GSK3B: variants seen among roughly 807,000 people sequenced by gnomAD.
GSK3B encodes glycogen synthase kinase 3 beta.
Under a neutral mutation model 56.4 loss-of-function variants are expected in GSK3B, and 15 were observed. The observed-to-expected ratio is 0.27, with a 90% confidence interval of 0.18 to 0.41. The LOEUF (loss-of-function observed/expected upper bound fraction) is 0.41. Ranked by LOEUF, GSK3B falls within the 10% of genes least tolerant of loss-of-function variation. The pLI is 1.00. For synonymous variants in GSK3B, 181 were observed against 188.9 expected (o/e 0.96, Z 0.34); for missense variants, 300 against 513.4 (o/e 0.58, Z 4.02).
Position 119,985,053 on chromosome 3 carries a change from C to T in GSK3B, c.282+16993G>A, listed in dbSNP as rs146382553. On this transcript the variant is annotated intron_variant, in intron 2 of 10. Transcript: ENST00000264235. Reference sequence around the variant, plus strand: ...GGTTCAACATATGCAAATCAACAAACGTAATCCATCACATAAACAGAACCA... The same window carrying T: ...GGTTCAACATATGCAAATCAACAAATGTAATCCATCACATAAACAGAACCA... 7.3e-3 allele frequency among the ~76,000 whole-genome samples: 1,117 copies of T among 152,226 alleles called. 8 individuals carry two copies. The highest frequency in any genetic ancestry group is 0.017 in the Middle Eastern group (5 of 294).
chr3:119,894,206 G>A (rs1344099290), intron 7 of GSK3B, among the ~76,000 whole-genome samples: 1 of 151,774 alleles, frequency 6.6e-6, no homozygotes, highest in Non-Finnish European at 1.5e-5. Context: ...TTCCTTTTTT[G>A]GCTATATAAC....
At chr3:119,831,605 C>A (rs1163116645) in intron 10 of GSK3B, among the ~76,000 whole-genome samples, 2 of 148,818 alleles carry the variant, frequency 1.3e-5, no homozygotes, top group African/African-American at 2.5e-5. Context: ...TGCAATGAGC[C>A]GAAATCATGC....
At chr3:119,903,787 C>T (rs2056649699) in intron 7 of GSK3B, among the ~76,000 whole-genome samples, 1 of 152,030 alleles carries the variant, frequency 6.6e-6, no homozygotes, top group Non-Finnish European at 1.5e-5. Flanking sequence ...TTGTAATGAG[C>T]TAAACATATA....
chr3:119,828,465 A>T (rs937913717), intron 10 of GSK3B, among the ~76,000 whole-genome samples: 3 of 152,220 alleles, frequency 2.0e-5, no homozygotes, highest in Non-Finnish European at 4.4e-5. Flanking sequence ...TTGAAAAGCC[A>T]TCTCTCTAGA....
intron 1 of GSK3B, among the ~76,000 whole-genome samples, chr3:120,089,410 G>A (rs1020172334): frequency 1.2e-4 from 18 of 152,138 alleles, no homozygotes; most frequent in Non-Finnish European, 8.8e-5. Flanking sequence ...ATTAACACAG[G>A]ATTATCAAGA....
At chr3:119,981,525 G>A (rs572090943) in intron 2 of GSK3B, among the ~76,000 whole-genome samples, 9 of 152,342 alleles carry the variant, frequency 5.9e-5, no homozygotes, top group African/African-American at 9.6e-5. Context: ...CTTAGCACCC[G>A]CTGACAAGAT....
rs958758177 is a variant in GSK3B at position 119,911,183 on chromosome 3, A to T, written c.715+1521T>A. 2.6e-5 allele frequency among the ~76,000 whole-genome samples: 4 copies of T among 152,202 alleles called. No homozygotes were observed. In the East Asian group the frequency reaches 7.7e-4, roughly 29 times the overall value. On this transcript the variant is annotated intron_variant, in intron 6 of 10. Transcript: ENST00000264235. ...AGACTAATCACTATCTAGGGCAGCT[A>T]TAGCCTTACAAATGTATTTCTCAAC...
intron 7 of GSK3B, among the ~76,000 whole-genome samples, chr3:119,878,449 CTATG>C (rs2056339746): frequency 6.6e-6 from 1 of 152,074 alleles, no homozygotes; most frequent in African/African-American, 2.4e-5. Context: ...AAATTAAAGA[CTATG>C]TATAACAAAT....
At chr3:120,086,313 T>C (rs2058462940) in intron 1 of GSK3B, among the ~76,000 whole-genome samples, 1 of 152,184 alleles carries the variant, frequency 6.6e-6, no homozygotes. Context: ...TACCCTGGGC[T>C]AGCACACTAA....
chr3:119,991,074 C>T (rs1326867171), intron 2 of GSK3B, among the ~76,000 whole-genome samples: 1 of 152,166 alleles, frequency 6.6e-6, no homozygotes, highest in African/African-American at 2.4e-5. Context: ...ACCTATGACT[C>T]ACTTCAAAGG....
At chr3:119,892,053 C>T (rs925927783) in intron 7 of GSK3B, among the ~76,000 whole-genome samples, 22 of 152,110 alleles carry the variant, frequency 1.4e-4, no homozygotes, top group African/African-American at 5.3e-4. Flanking sequence ...AAGCACCTCA[C>T]AAAAAGCAAC....
intron 7 of GSK3B, among the ~76,000 whole-genome samples, chr3:119,898,877 T>C (rs1305447974): frequency 6.6e-6 from 1 of 152,146 alleles, no homozygotes; most frequent in African/African-American, 2.4e-5. Context: ...TACTGTAAAG[T>C]TCTGTGAATG....
At chr3:120,054,365 A>G in intron 1 of GSK3B, among the ~76,000 whole-genome samples, 1 of 151,832 alleles carries the variant, frequency 6.6e-6, no homozygotes, top group Non-Finnish European at 1.5e-5. Context: ...TCACCTCTAT[A>G]TCCTCCACTT....
At chr3:119,971,601 A>ATTTTTTTTTTTTTTT (rs751790636) in intron 2 of GSK3B, among the ~76,000 whole-genome samples, 1 of 83,842 alleles carries the variant, frequency 1.2e-5, no homozygotes, top group Non-Finnish European at 2.2e-5. Flanking sequence ...ATTTGCAATA[A>ATTTTTTTTTTTTTTT]TTTTTTTTTT....
intron 7 of GSK3B, among the ~76,000 whole-genome samples, chr3:119,886,901 T>TACTA (rs1482903593): frequency 1.3e-5 from 2 of 152,048 alleles, no homozygotes; most frequent in African/African-American, 4.8e-5. Flanking sequence ...AACCACTGGG[T>TACTA]ACTATGCTCA....
chr3:119,964,902 A>T lies in GSK3B; in HGVS notation c.283-17551T>A, dbSNP rs573094666. 2.1e-4 allele frequency among the ~76,000 whole-genome samples: 32 copies of T among 152,300 alleles called. No homozygotes were observed. In the South Asian group the frequency reaches 6.4e-3, roughly 31 times the overall value. On this transcript the variant is annotated intron_variant, in intron 2 of 10. Transcript: ENST00000264235. Reference sequence around the variant, plus strand: ...CAAATGCATTAAATTGCACACATTAATTATATGCAGTTTTTAAATATACCA... The same window carrying T: ...CAAATGCATTAAATTGCACACATTATTTATATGCAGTTTTTAAATATACCA...
chr3:119,975,262 C>G (rs1437448012), intron 2 of GSK3B, among the ~76,000 whole-genome samples: 2 of 152,160 alleles, frequency 1.3e-5, no homozygotes, highest in Non-Finnish European at 2.9e-5. Context: ...GCCTGGCCAA[C>G]ATGGTGAAAC....
At chr3:120,013,623 C>G (rs1177550970) in intron 1 of GSK3B, among the ~76,000 whole-genome samples, 1 of 152,126 alleles carries the variant, frequency 6.6e-6, no homozygotes, top group Non-Finnish European at 1.5e-5. Context: ...AATCAGCACA[C>G]CGCCCATGAA....
intron 8 of GSK3B, among the ~76,000 whole-genome samples, chr3:119,864,731 G>A (rs2056154517): frequency 6.6e-6 from 1 of 152,216 alleles, no homozygotes; most frequent in African/African-American, 2.4e-5. Context: ...CTGACAGTTA[G>A]TAGAACTAGT....
Sources: allele counts gnomAD v4.1 joint callset (sites outside exome capture counted in the v4.1 genomes callset), GRCh38; gene constraint gnomAD v4.1.1; transcripts MANE v1.5; gene names NCBI Gene and HGNC (gene_info 2026-07-23, HGNC 2026-07-21).